Variants in ENOX2 observed in about 807,000 individuals in gnomAD.
ENOX2 encodes ecto-NOX disulfide-thiol exchanger 2.
ENOX2 carries 36 observed loss-of-function variants against 45.0 expected under a neutral mutation model. The observed-to-expected ratio is 0.80, with a 90% CI of 0.61 to 1.06. The LOEUF (loss-of-function observed/expected upper bound fraction) is 1.06, where lower values mean the gene tolerates loss of function less well. ENOX2 is among the 50% of genes least tolerant of loss of function. The probability of loss-of-function intolerance (pLI) is 0.00; values close to 1 mark genes in which losing one functional copy is unlikely to be tolerated. For synonymous variants in ENOX2, 174 were observed against 152.3 expected, an observed-to-expected ratio of 1.14 and a Z score of -1.05; for missense variants, 423 against 462.5, an observed-to-expected ratio of 0.91 and a Z score of 0.78.
At chrX:130,801,902 A>C (rs1569503571) in intron 2 of ENOX2, among the ~76,000 whole-genome samples, 1 of 112,170 alleles carries the variant, frequency 8.9e-6, no homozygotes, top group Non-Finnish European at 1.9e-5. Flanking sequence ...GCAAGCAAAA[A>C]GTCAAAGGTA....
chrX:130,768,640 T>C (rs187083670), intron 3 of ENOX2, among the ~76,000 whole-genome samples: 10 of 111,989 alleles, frequency 8.9e-5, no homozygotes, highest in African/African-American at 2.6e-4. Flanking sequence ...GGAGGAAAAC[T>C]AACCATGAGT....
intron 9 of ENOX2, among the ~76,000 whole-genome samples, chrX:130,660,242 G>A (rs2036652866): frequency 9.0e-6 from 1 of 111,526 alleles, no homozygotes; most frequent in Non-Finnish European, 1.9e-5. Context: ...TATATCACAC[G>A]AATGAGATAA....
Position 130,679,469 on chromosome X carries a change from T to C in ENOX2, c.460+73A>G, listed in dbSNP as rs186981208. On this transcript the variant is annotated intron_variant, in intron 6 of 14. Coordinates refer to ENST00000394363, the MANE Select transcript of ENOX2 (RefSeq NM_006375.4). Reference sequence around the variant, plus strand: ...ATACTAAGCCCAAACTTATCTGCTATAGACACAAATAGTTCTATCTTTAAT... The same window carrying C: ...ATACTAAGCCCAAACTTATCTGCTACAGACACAAATAGTTCTATCTTTAAT... 4.3e-5 allele frequency: 39 copies of C among 900,975 alleles called. No individual in the cohort carries two copies. The East Asian group carries it at 1.0e-3, about 24-fold the overall frequency. The allele number at this position is 900,975 out of a possible 1,213,427, so 74.3% of individuals were successfully genotyped here.
At chrX:130,678,674 A>C (rs2089507161) in intron 6 of ENOX2, among the ~76,000 whole-genome samples, 1 of 109,879 alleles carries the variant, frequency 9.1e-6, no homozygotes, top group South Asian at 3.9e-4. Context: ...GGGTACCTTA[A>C]CCTTTTTTAT....
intron 3 of ENOX2, among the ~76,000 whole-genome samples, chrX:130,769,636 A>G (rs2039693060): frequency 8.9e-6 from 1 of 111,806 alleles, no homozygotes; most frequent in African/African-American, 3.2e-5. Context: ...CACTCTGAAG[A>G]CTGGAGCTAG....
intron 3 of ENOX2, among the ~76,000 whole-genome samples, chrX:130,736,488 C>G (rs964490134): frequency 3.6e-5 from 4 of 112,254 alleles, no homozygotes; most frequent in Non-Finnish European, 5.6e-5. Context: ...GGATGGCAAA[C>G]TTTTATGTAA....
At chrX:130,855,251 A>G (rs1365878217) in intron 2 of ENOX2, among the ~76,000 whole-genome samples, 1 of 112,012 alleles carries the variant, frequency 8.9e-6, no homozygotes, top group African/African-American at 3.2e-5. Context: ...TTAGCAATGA[A>G]TATGTGGACA....
At chrX:130,867,461 A>G (rs1603374648) in intron 2 of ENOX2, among the ~76,000 whole-genome samples, 1 of 111,766 alleles carries the variant, frequency 8.9e-6, no homozygotes, top group African/African-American at 3.2e-5. Context: ...TCAGTCTTGT[A>G]CTTTAAATGG....
chrX:130,720,312 T>C (rs750014961), intron 3 of ENOX2, among the ~76,000 whole-genome samples: 1 of 112,098 alleles, frequency 8.9e-6, no homozygotes, highest in Non-Finnish European at 1.9e-5. Context: ...CAGGGAGGCA[T>C]GGAGAGGTTA....
chrX:130,681,873 T>G (rs1011298587), intron 5 of ENOX2, among the ~76,000 whole-genome samples: 2 of 111,343 alleles, frequency 1.8e-5, no homozygotes, highest in Non-Finnish European at 3.8e-5. Flanking sequence ...AGTAGAGTGG[T>G]AGCTAAGACC....
At chrX:130,723,959 C>T (rs1264314223) in intron 3 of ENOX2, among the ~76,000 whole-genome samples, 5 of 111,504 alleles carry the variant, frequency 4.5e-5, no homozygotes, top group Non-Finnish European at 9.4e-5. Flanking sequence ...GTCAAATTAC[C>T]CGTCCCCCCG....
chrX:130,677,345 C>T (rs1489694379), intron 6 of ENOX2, among the ~76,000 whole-genome samples: 2 of 111,968 alleles, frequency 1.8e-5, no homozygotes, highest in Non-Finnish European at 1.9e-5. Context: ...TACATACTAA[C>T]CCTAAATTCA....
chrX:130,883,360 C>T (rs999761930), intron 2 of ENOX2, among the ~76,000 whole-genome samples: 4 of 111,411 alleles, frequency 3.6e-5, no homozygotes, highest in Non-Finnish European at 5.6e-5. Context: ...ATCCACCCCC[C>T]TCGGCCTCCC....
chrX:130,858,209 G>A (rs1387523375), intron 2 of ENOX2, among the ~76,000 whole-genome samples: 2 of 107,238 alleles, frequency 1.9e-5, no homozygotes, highest in East Asian at 2.9e-4. Context: ...CTGCCTCCCC[G>A]GGTTCAAGCG....
At chrX:130,777,393 G>C (rs975889397) in intron 3 of ENOX2, among the ~76,000 whole-genome samples, 13 of 108,595 alleles carry the variant, frequency 1.2e-4, no homozygotes, top group Non-Finnish European at 1.9e-4. Flanking sequence ...CAGCTACTCG[G>C]GGGGAGCTGA....
At chrX:130,655,014 G>T (rs2036509971) in intron 10 of ENOX2, among the ~76,000 whole-genome samples, 1 of 112,208 alleles carries the variant, frequency 8.9e-6, no homozygotes, top group Admixed American at 9.4e-5. Context: ...TGGTAACACT[G>T]ACTAAATACT....
At chrX:130,833,056 A>ACACACACACAC (rs759746444) in intron 2 of ENOX2, among the ~76,000 whole-genome samples, 28 of 91,969 alleles carry the variant, frequency 3.0e-4, no homozygotes, top group African/African-American at 1.1e-3. Context: ...CACACACACA[A>ACACACACACAC]ACAGCACTGA....
At chrX:130,826,937 C>T (rs771839582) in intron 2 of ENOX2, among the ~76,000 whole-genome samples, 1 of 111,667 alleles carries the variant, frequency 9.0e-6, no homozygotes, top group African/African-American at 3.2e-5. Flanking sequence ...CACAACTCTA[C>T]TAAATAGAGT....
chrX:130,667,697 A>G lies in ENOX2; in HGVS notation c.740T>C (p.Ile247Thr). 8.3e-7 allele frequency: 1 copy of G among 1,210,578 alleles called. No individual in the cohort carries two copies. The highest frequency in any genetic ancestry group is 1.7e-5 in the African/African-American group (1 of 57,820). Residue 247 changes from isoleucine (I) to threonine (T), a missense_variant, in exon 8 of 15, where the codon ATA (isoleucine) becomes ACA (threonine). By Grantham distance (89) the Ile-to-Thr change is moderately conservative (BLOSUM62 -1). Around this residue, in one of 5 missense-constraint regions of ENOX2, gnomAD observed 261 missense variants for 306.8 expected, o/e 0.85. Coordinates refer to ENST00000394363, the MANE Select transcript of ENOX2 (RefSeq NM_006375.4). ...ACGACGGTTGACCTCTCCTCGCTCT[A>G]TCCAGGTAAGCAAGGTCTGTACAGC... ...SEAVQTLLTWIERGEVNRRSA... is the reference protein window; with the variant it reads ...SEAVQTLLTWTERGEVNRRSA...
Sources: gnomAD v4.1 joint callset for allele counts (sites outside exome capture counted in the v4.1 genomes callset) on GRCh38, gnomAD v4.1.1 for gene constraint, gnomAD v4.1.1 regional missense constraint, MANE v1.5 for transcripts, NCBI Gene and HGNC (gene_info 2026-07-23, HGNC 2026-07-21) for gene names.